Variants in SANBR observed in about 807,000 individuals in gnomAD.
SANBR encodes SANT and BTB domain regulator of CSR.
A neutral mutation model predicts 101.8 loss-of-function variants in SANBR; 77 were observed. That is an observed-to-expected ratio of 0.76 (90% CI 0.63 to 0.91). The LOEUF is 0.91. Ranked by LOEUF, SANBR falls within the 40% of genes least tolerant of loss-of-function variation. The probability of loss-of-function intolerance (pLI) is 0.00; values close to 1 mark genes in which losing one functional copy is unlikely to be tolerated. For synonymous variants in SANBR, 279 were observed against 274.7 expected (o/e 1.02, Z -0.15); for missense variants, 875 against 853.0 (o/e 1.03, Z -0.32).
chr2:61,118,164 C>T, intron 20 of SANBR, 48 bp downstream of exon 20: 1 of 1,220,834 alleles, frequency 8.2e-7, no homozygotes, highest in African/African-American at 1.5e-5. Context: ...ATATGCCTTC[C>T]TACTTTTATT....
At chr2:61,070,579 A>C in intron 3 of SANBR, 79 bp downstream of exon 3, 1 of 1,368,544 alleles carries the variant, frequency 7.3e-7, no homozygotes. Context: ...CAAGAGAGAG[A>C]AAAATATTTG....
chr2:61,099,971 G>C (rs1172364571), intron 12 of SANBR, among the ~76,000 whole-genome samples: 1 of 152,174 alleles, frequency 6.6e-6, no homozygotes, highest in Non-Finnish European at 1.5e-5. Flanking sequence ...CAGAAGCCAG[G>C]TTTTTATGGG....
chr2:61,070,033 A>G (rs1177280), intron 2 of SANBR, among the ~76,000 whole-genome samples: 2 of 152,008 alleles, frequency 1.3e-5, no homozygotes, highest in Admixed American at 6.6e-5. Context: ...TTACTTAACA[A>G]CTCTGAACCT....
At chr2:61,108,572 A>AT (rs1397858870) in intron 15 of SANBR, among the ~76,000 whole-genome samples, 1 of 152,142 alleles carries the variant, frequency 6.6e-6, no homozygotes, top group Non-Finnish European at 1.5e-5. Context: ...TAGTTAAACG[A>AT]TTTTTTAAAG....
chr2:61,130,128 C>T (rs1684641507), intron 20 of SANBR, among the ~76,000 whole-genome samples: 1 of 151,786 alleles, frequency 6.6e-6, no homozygotes, highest in Non-Finnish European at 1.5e-5. Flanking sequence ...TTTCTTTATT[C>T]CTCTTTTACT....
At chr2:61,087,091 C>G (rs900735239) in intron 8 of SANBR, among the ~76,000 whole-genome samples, 2 of 152,114 alleles carry the variant, frequency 1.3e-5, no homozygotes, top group African/African-American at 4.8e-5. Flanking sequence ...TTAAAAACAT[C>G]ACTTAACCCT....
Position 61,077,225 on chromosome 2 carries a change from A to C in SANBR, c.670+67A>C, listed in dbSNP as rs1681838850. Reference sequence around the variant, plus strand: ...TGTCACCTGGTAGTTTCTTCAGGCCAAAAGTGAAATGTGGAAAATTGTTTG... The same window carrying C: ...TGTCACCTGGTAGTTTCTTCAGGCCCAAAGTGAAATGTGGAAAATTGTTTG... On this transcript the variant is annotated intron_variant, in intron 6 of 21. Transcript: ENST00000402291. 39 of 1,132,052 alleles carry C rather than the reference A, an allele frequency of 3.4e-5. No individual in the cohort carries two copies. The East Asian group carries it at 9.0e-4, about 26-fold the overall frequency. The allele number at this position is 1,132,052 out of a possible 1,614,324, so 70.1% of individuals were successfully genotyped here.
intron 6 of SANBR, 41 bp downstream of exon 6, chr2:61,077,199 GTGTCACC>G: frequency 1.4e-6 from 2 of 1,398,874 alleles, no homozygotes; most frequent in Non-Finnish European, 2.0e-6. Flanking sequence ...TGAAATTTGT[GTGTCACC>G]TGGTAGTTTC....
At chr2:61,117,628 C>T (rs1684138594) in intron 19 of SANBR, 88 bp downstream of exon 19, 2 of 1,187,552 alleles carry the variant, frequency 1.7e-6, no homozygotes, top group South Asian at 2.6e-5. Context: ...TGCTGAATAG[C>T]TCTAGAGTTT....
intron 2 of SANBR, 84 bp downstream of exon 2, chr2:61,069,069 T>C (rs2104837370): frequency 6.6e-6 from 1 of 152,486 alleles, no homozygotes; most frequent in Admixed American, 6.5e-5. Flanking sequence ...TTCATTCAAA[T>C]ACATGTAGGA....
intron 11 of SANBR, among the ~76,000 whole-genome samples, 195 bp from the exon 12 acceptor site, chr2:61,097,505 C>T (rs1382882315): frequency 6.6e-6 from 1 of 152,106 alleles, no homozygotes; most frequent in Non-Finnish European, 1.5e-5. Flanking sequence ...AAAGATCCCT[C>T]ATGCCCATTT....
intron 5 of SANBR, among the ~76,000 whole-genome samples, chr2:61,076,385 A>C (rs1429072376): frequency 1.3e-5 from 2 of 149,620 alleles, no homozygotes; most frequent in African/African-American, 2.4e-5. Context: ...TGGGAGGCCA[A>C]GGCAGGCGGA....
At chr2:61,087,587 C>T (rs781693186) in intron 8 of SANBR, among the ~76,000 whole-genome samples, 2 of 151,996 alleles carry the variant, frequency 1.3e-5, no homozygotes. Flanking sequence ...TGCAGTGGCT[C>T]ACGCCTGTAA....
chr2:61,137,802 G>T (rs1684894669), exon 22 of SANBR: 1 of 152,042 alleles, frequency 6.6e-6, no homozygotes, highest in South Asian at 2.1e-4. Context: ...TGAATTTGAT[G>T]CTTATTATGC....
chr2:61,079,372 A>T (rs896758548), intron 6 of SANBR, among the ~76,000 whole-genome samples: 1 of 152,226 alleles, frequency 6.6e-6, no homozygotes, highest in African/African-American at 2.4e-5. Context: ...TTGTGGTTTA[A>T]TAGTCTTTCT....
intron 3 of SANBR, 30 bp downstream of exon 3, chr2:61,070,530 T>G: frequency 6.3e-7 from 1 of 1,582,710 alleles, no homozygotes; most frequent in Non-Finnish European, 8.6e-7. Context: ...GAATATCTCC[T>G]GAAAATGTTC....
chr2:61,069,592 A>T (rs892856762), intron 2 of SANBR: 1 of 152,358 alleles, frequency 6.6e-6, no homozygotes, highest in Non-Finnish European at 1.5e-5. Context: ...TGAATCATAG[A>T]TATAACTAGT....
chr2:61,073,039 A>G (rs1681569078), intron 4 of SANBR, among the ~76,000 whole-genome samples: 1 of 151,988 alleles, frequency 6.6e-6, no homozygotes, highest in East Asian at 1.9e-4. Flanking sequence ...CTGACACAGT[A>G]GTGGGGTAAA....
At chr2:61,127,858 C>T (rs1391150186), downstream of SANBR, among the ~76,000 whole-genome samples, 1 of 152,110 alleles carries the variant, frequency 6.6e-6, no homozygotes, top group Non-Finnish European at 1.5e-5. Context: ...TGATGAAAAA[C>T]TTTATACATC....
Sources: gnomAD v4.1 joint callset for allele counts (sites outside exome capture counted in the v4.1 genomes callset) on GRCh38, gnomAD v4.1.1 for gene constraint, MANE v1.5 for transcripts, NCBI Gene and HGNC (gene_info 2026-07-23, HGNC 2026-07-21) for gene names.